The following CLSTN2 variants were observed in gnomAD, a reference collection of about 807,000 sequenced individuals.
The protein encoded by CLSTN2 is calsyntenin 2.
CLSTN2 carries 48 observed loss-of-function variants against 101.2 expected under a neutral mutation model. That is an observed-to-expected ratio of 0.47 (90% CI 0.38 to 0.60). The LOEUF (loss-of-function observed/expected upper bound fraction) is 0.60. CLSTN2 is among the 20% of genes least tolerant of loss of function. The pLI, the probability that CLSTN2 is intolerant of heterozygous loss-of-function variation, is 0.00. For synonymous variants in CLSTN2, 481 were observed against 463.6 expected (o/e 1.04, Z -0.48); for missense variants, 1,160 against 1,238.2 (o/e 0.94, Z 0.95).
intron 1 of CLSTN2, among the ~76,000 whole-genome samples, chr3:140,007,662 G>A (rs745545295): frequency 1.3e-5 from 2 of 152,144 alleles, no homozygotes; most frequent in African/African-American, 4.8e-5. Context: ...TGGGAGGCTC[G>A]GTCTGGCTCT....
intron 2 of CLSTN2, among the ~76,000 whole-genome samples, chr3:140,249,871 C>A (rs1237959121): frequency 6.6e-6 from 1 of 152,124 alleles, no homozygotes; most frequent in East Asian, 1.9e-4. Context: ...TTAGAATGCT[C>A]ACCAAAAACC....
chr3:140,432,819 C>T (rs1351248265), intron 5 of CLSTN2, among the ~76,000 whole-genome samples: 1 of 152,206 alleles, frequency 6.6e-6, no homozygotes, highest in Non-Finnish European at 1.5e-5. Context: ...GCAGACTTCA[C>T]TCATCCCAAA....
rs57433306 is a variant in CLSTN2, at chr3:140,179,620, CAAAAAAAAAAAAAAAAAA to C, written c.232+3562_232+3579del. 2.7e-4 allele frequency among the ~76,000 whole-genome samples: 10 copies of C among 37,462 alleles called. No homozygotes were observed. In the Admixed American group the frequency reaches 3.3e-3, roughly 12 times the overall value. 24.6% of individuals were successfully genotyped at this position (37,462 alleles called of 152,430 possible). A position where few individuals can be genotyped will look rare whatever the true frequency, so the allele number is the denominator to read the frequency against. On this transcript the variant is annotated intron_variant, in intron 2 of 16. Coordinates refer to ENST00000458420, the MANE Select transcript of CLSTN2 (RefSeq NM_022131.3). ...TGCACTCCAGAGCAAGACCCTATCT[CAAAAAAAAAAAAAAAAAA>C]AAAAAAAAAAAAAACCTTGCTATTA...
intron 8 of CLSTN2, among the ~76,000 whole-genome samples, chr3:140,508,942 A>G (rs1354253318): frequency 6.6e-6 from 1 of 152,018 alleles, no homozygotes; most frequent in African/African-American, 2.4e-5. Context: ...CTCACAGGTA[A>G]GAGGAGTCCT....
chr3:140,367,019 A>G (rs535445050), intron 2 of CLSTN2, among the ~76,000 whole-genome samples: 239 of 152,310 alleles, frequency 1.6e-3, no homozygotes, highest in African/African-American at 5.5e-3. Context: ...TAGTGTGGGC[A>G]TGGTGATTAA....
intron 1 of CLSTN2, among the ~76,000 whole-genome samples, chr3:140,114,114 T>C (rs1261412503): frequency 6.6e-6 from 1 of 152,108 alleles, no homozygotes; most frequent in Non-Finnish European, 1.5e-5. Context: ...GCCTTGCCCA[T>C]AAGGCTCAAA....
In CLSTN2 at chr3:140,099,636, C is replaced by T. The variant is rs377114443; in HGVS notation, c.110-76315C>T. 1.1e-4 allele frequency among the ~76,000 whole-genome samples: 16 copies of T among 152,280 alleles called. No homozygotes were observed. The East Asian group carries it at 1.9e-3, about 18-fold the overall frequency. ...TTCCAAACTGCTGCTACTTTCATCT[C>T]ATTGGCAAGAACTGGGTCCCATAGT... On this transcript the variant is annotated intron_variant, in intron 1 of 16. Coordinates refer to ENST00000458420, the MANE Select transcript of CLSTN2 (RefSeq NM_022131.3).
chr3:140,297,365 A>C (rs1183121620), intron 2 of CLSTN2, among the ~76,000 whole-genome samples: 1 of 152,170 alleles, frequency 6.6e-6, no homozygotes, highest in Non-Finnish European at 1.5e-5. Flanking sequence ...TGGCACCAAA[A>C]TTGTAACTAA....
intron 2 of CLSTN2, among the ~76,000 whole-genome samples, chr3:140,218,310 G>T (rs151149134): frequency 2.0e-5 from 3 of 152,278 alleles, no homozygotes; most frequent in Non-Finnish European, 4.4e-5. Flanking sequence ...AAGTAAAGAT[G>T]CAACCTTACC....
chr3:140,242,112 A>T (rs1217118574), intron 2 of CLSTN2, among the ~76,000 whole-genome samples: 1 of 152,028 alleles, frequency 6.6e-6, no homozygotes, highest in East Asian at 1.9e-4. Context: ...GGGTTTCACC[A>T]TGCTGGCCAG....
rs973317277 is a variant in CLSTN2, at chr3:140,458,657, G to A, written c.974-864G>A. Among the ~76,000 whole-genome samples, 11 of 152,190 alleles carry A rather than the reference G, an allele frequency of 7.2e-5. No individual in the cohort carries two copies. The East Asian group carries it at 9.7e-4, about 13-fold the overall frequency. ...TCCTGCTGCCTCAGATGAAGTCTTC[G>A]TGCCTTAGCCTGAGTACTATTATAG... On this transcript the variant is annotated intron_variant, in intron 6 of 16. Coordinates refer to ENST00000458420, the MANE Select transcript of CLSTN2 (RefSeq NM_022131.3).
At chr3:140,535,294 A>G (rs187585164) in intron 9 of CLSTN2, among the ~76,000 whole-genome samples, 1 of 152,354 alleles carries the variant, frequency 6.6e-6, no homozygotes, top group East Asian at 1.9e-4. Context: ...AGGGTGGGAA[A>G]TATTATTTGT....
chr3:140,479,656 G>A (rs1934070455), intron 8 of CLSTN2, among the ~76,000 whole-genome samples: 1 of 152,166 alleles, frequency 6.6e-6, no homozygotes, highest in Non-Finnish European at 1.5e-5. Flanking sequence ...AAACTATACA[G>A]AAATGTAAAA....
At chr3:140,388,650 C>T (rs1035570443) in intron 2 of CLSTN2, among the ~76,000 whole-genome samples, 17 of 152,180 alleles carry the variant, frequency 1.1e-4, no homozygotes, top group Non-Finnish European at 1.9e-4. Context: ...CAAGTTTCTT[C>T]GCCTCTCTGT....
intron 1 of CLSTN2, among the ~76,000 whole-genome samples, chr3:140,156,652 CCTT>C (rs975902103): frequency 6.6e-6 from 1 of 152,178 alleles, no homozygotes; most frequent in African/African-American, 2.4e-5. Flanking sequence ...CTAAAGCAGA[CCTT>C]CTCCTCGAAG....
intron 1 of CLSTN2, among the ~76,000 whole-genome samples, chr3:139,943,650 G>C (rs934386948): frequency 2.6e-5 from 4 of 152,144 alleles, no homozygotes. Context: ...ACATTCTGTA[G>C]TCACTTCCCC....
intron 1 of CLSTN2, among the ~76,000 whole-genome samples, chr3:140,165,145 A>T (rs1202569813): frequency 6.6e-6 from 1 of 152,212 alleles, no homozygotes; most frequent in Non-Finnish European, 1.5e-5. Flanking sequence ...TGAGTCACAC[A>T]CATGGGATTT....
chr3:140,156,379 G>A (rs1340382640), intron 1 of CLSTN2, among the ~76,000 whole-genome samples: 7 of 152,148 alleles, frequency 4.6e-5, no homozygotes, highest in Admixed American at 4.6e-4. Flanking sequence ...TGCTGAAATA[G>A]GGCCTTCTGT....
chr3:140,411,201 C>T lies in CLSTN2; in HGVS notation c.637+6435C>T, dbSNP rs80165234. Reference sequence around the variant, plus strand: ...AAGAGATTCACTTCACTTTTAAGGACGTGAAAATAATAAAAGTGAAGGTAC... The same window carrying T: ...AAGAGATTCACTTCACTTTTAAGGATGTGAAAATAATAAAAGTGAAGGTAC... On this transcript the variant is annotated intron_variant, in intron 4 of 16. Transcript: ENST00000458420. Among the ~76,000 whole-genome samples the T allele has an allele frequency of 4.9e-4, 74 of 152,012 alleles. No homozygotes were observed. The East Asian group carries it at 9.3e-3, about 19-fold the overall frequency.
Sources: gnomAD v4.1 joint callset for allele counts (sites outside exome capture counted in the v4.1 genomes callset) on GRCh38, gnomAD v4.1.1 for gene constraint, MANE v1.5 for transcripts, NCBI Gene and HGNC (gene_info 2026-07-23, HGNC 2026-07-21) for gene names.